Variants in CCDC73 observed in about 807,000 individuals in gnomAD.
The protein encoded by CCDC73 is coiled-coil domain-containing protein 73.
A neutral mutation model predicts 116.5 loss-of-function variants in CCDC73; 95 were observed. The ratio of observed to expected loss-of-function variants is 0.82; its 90% CI spans 0.69 to 0.97. CCDC73 has a LOEUF of 0.97. Among genes scored for constraint, CCDC73 ranks in the 50% least tolerant of loss-of-function variants. The pLI, the probability that CCDC73 is intolerant of heterozygous loss-of-function variation, is 0.00. For synonymous variants in CCDC73, 398 were observed against 401.3 expected, an observed-to-expected ratio of 0.99 and a Z score of 0.10; for missense variants, 1,066 against 1,206.8, an observed-to-expected ratio of 0.88 and a Z score of 1.73.
intron 1 of CCDC73, among the ~76,000 whole-genome samples, chr11:32,768,800 G>A (rs766447208): frequency 6.6e-5 from 10 of 152,232 alleles, no homozygotes; most frequent in East Asian, 3.9e-4. Context: ...AGCCTTGATC[G>A]TGCCACTGCA....
chr11:32,655,884 C>T (rs574315228), intron 9 of CCDC73, among the ~76,000 whole-genome samples: 1 of 152,286 alleles, frequency 6.6e-6, no homozygotes, highest in East Asian at 1.9e-4. Flanking sequence ...CAATTAAACA[C>T]ATTAAAATCT....
chr11:32,738,421 T>C (rs1164568596), intron 2 of CCDC73, among the ~76,000 whole-genome samples: 1 of 152,228 alleles, frequency 6.6e-6, no homozygotes, highest in African/African-American at 2.4e-5. Context: ...TGGTATCTCA[T>C]TGTAGTTTTG....
chr11:32,754,954 C>T (rs1413733497), intron 2 of CCDC73, among the ~76,000 whole-genome samples: 1 of 132,272 alleles, frequency 7.6e-6, no homozygotes, highest in Non-Finnish European at 1.5e-5. Context: ...ATGGCACGAT[C>T]TTGGCTCACT....
At chr11:32,763,125 G>A (rs190691937) in intron 1 of CCDC73, among the ~76,000 whole-genome samples, 24 of 152,330 alleles carry the variant, frequency 1.6e-4, no homozygotes, top group Admixed American at 2.6e-4. Context: ...GGAGCCCACC[G>A]TCGCTCAAGG....
At chr11:32,795,690 A>AT (rs541212653), upstream of CCDC73, among the ~76,000 whole-genome samples, 2,565 of 142,358 alleles carry the variant, frequency 0.018, 42 homozygotes, top group African/African-American at 0.046. Flanking sequence ...CTGCCCTCAA[A>AT]TTTTTTTTTT....
At chr11:32,799,241 G>A (rs1850751669), upstream of CCDC73, among the ~76,000 whole-genome samples, 2 of 151,878 alleles carry the variant, frequency 1.3e-5, no homozygotes, top group Admixed American at 1.3e-4. Context: ...ACAGGCCTGC[G>A]CCACCACGCT....
chr11:32,701,607 G>A (rs1849813741), intron 4 of CCDC73, among the ~76,000 whole-genome samples: 1 of 152,048 alleles, frequency 6.6e-6, no homozygotes, highest in Admixed American at 6.6e-5. Flanking sequence ...AGGATCGTTT[G>A]AGCCCTGGAG....
At chr11:32,765,674 A>C (rs906537645) in intron 1 of CCDC73, among the ~76,000 whole-genome samples, 5 of 152,266 alleles carry the variant, frequency 3.3e-5, no homozygotes, top group African/African-American at 1.2e-4. Context: ...AAGATCTAAA[A>C]TTGACACCCT....
intron 9 of CCDC73, among the ~76,000 whole-genome samples, chr11:32,666,444 A>G (rs1027313928): frequency 2.0e-5 from 3 of 152,194 alleles, no homozygotes; most frequent in Non-Finnish European, 4.4e-5. Context: ...CTTCCAGTTA[A>G]TCGAATCGGC....
chr11:32,755,051 C>A (rs1850321009), intron 2 of CCDC73, among the ~76,000 whole-genome samples: 1 of 150,388 alleles, frequency 6.6e-6, no homozygotes, highest in Admixed American at 6.6e-5. Context: ...CCATGCCCAG[C>A]TAATTTTTGT....
chr11:32,739,586 T>C (rs1850165799), intron 2 of CCDC73, among the ~76,000 whole-genome samples: 1 of 152,192 alleles, frequency 6.6e-6, no homozygotes, highest in Non-Finnish European at 1.5e-5. Flanking sequence ...TCAGTTCTAA[T>C]AGTTTTTGGT....
intron 6 of CCDC73, among the ~76,000 whole-genome samples, chr11:32,684,954 C>A (rs1226791083): frequency 6.6e-6 from 1 of 151,862 alleles, no homozygotes; most frequent in African/African-American, 2.4e-5. Context: ...GCACTCCAGC[C>A]TGAGTGACAG....
intron 12 of CCDC73, among the ~76,000 whole-genome samples, chr11:32,651,268 C>T (rs1050032623): frequency 6.6e-6 from 1 of 152,162 alleles, no homozygotes. Context: ...GGGATTCATC[C>T]TCCCTGCAGA....
Position 32,641,899 on chromosome 11 carries a change from T to C in CCDC73, c.1050+73A>G, listed in dbSNP as rs995131574. 4 of 1,111,034 alleles carry C rather than the reference T, an allele frequency of 3.6e-6. No homozygotes were observed. The African/African-American group carries it at 4.9e-5, about 14-fold the overall frequency. 68.8% of individuals were successfully genotyped at this position (1,111,034 alleles called of 1,614,324 possible). A position where few individuals can be genotyped will look rare whatever the true frequency, so the allele number is the denominator to read the frequency against. On this transcript the variant is annotated intron_variant, in intron 13 of 17. Transcript: ENST00000335185. ...CTCTAATATTTTTGCAATATTTTCT[T>C]AGCATTTATAGTTATTTTAAATGTC...
Position 32,614,206 on chromosome 11 carries a change from T to A in CCDC73, c.2112A>T (p.Ile704=). The A allele has an allele frequency of 1.2e-6, 2 of 1,613,928 alleles. No individual in the cohort carries two copies. The highest frequency in any genetic ancestry group is 1.7e-6 in the Non-Finnish European group (2 of 1,179,862). The change falls in exon 16 of 18, where the codon ATA becomes ATT. Residue 704 remains isoleucine (I), a synonymous_variant. Coordinates refer to ENST00000335185, the MANE Select transcript of CCDC73 (RefSeq NM_001008391.4). ...CATATGAAACATGGTGGTCGATTAC[T>A]ATATCACAGGGAACAGTTAGTTCAG... is the stretch of plus-strand genomic sequence containing the variant. ...EKSELTVPCD[I]VIDHHVSYAA...
intron 14 of CCDC73, among the ~76,000 whole-genome samples, chr11:32,628,195 G>A (rs2133235105): frequency 6.6e-6 from 1 of 152,300 alleles, no homozygotes; most frequent in African/African-American, 2.4e-5. Context: ...TTCTCTGAGA[G>A]AAAGAGGAAA....
At position 32,613,881 on chromosome 11, in the gene CCDC73, T is replaced by C; in HGVS notation, c.2437A>G (p.Ile813Val). Residue 813 changes from isoleucine (I) to valine (V), a missense_variant, in exon 16 of 18, where the codon ATT becomes GTT. Physicochemically the swap from Ile to Val is conservative, Grantham distance 29. Transcript: ENST00000335185. ...GCTTCAGTTACCTGATTCTCATCAA[T>C]CTGATTCTTTTTATTGGAAAACTCT... ...ETEFSNKKNQ[I>V]DENQVTEATK... 6.2e-7 allele frequency: 1 copy of C among 1,613,418 alleles called. No individual in the cohort carries two copies. The highest frequency in any genetic ancestry group is 8.5e-7 in the Non-Finnish European group (1 of 1,179,922).
In CCDC73 at chr11:32,614,083, T is replaced by C. The variant is rs752386781; in HGVS notation, c.2235A>G (p.Gly745=). The C allele has an allele frequency of 1.9e-6, 3 of 1,613,402 alleles. 1 individual carries two copies. The highest frequency in any genetic ancestry group is 1.1e-5 in the South Asian group (1 of 91,084). The change falls in exon 16 of 18, where the codon GGA becomes GGG. Residue 745 remains glycine, a synonymous_variant. Coordinates refer to ENST00000335185, the MANE Select transcript of CCDC73 (RefSeq NM_001008391.4). ...CACTCATATTTTTACACATAGTTTT[T>C]CCCCCAGGGCTTGAGTTAGGTTTCA... ...MLVKPNSSPG[G]KTMCKNMSDM...
chr11:32,610,222 C>CA (rs1166886647), intron 17 of CCDC73, among the ~76,000 whole-genome samples: 2 of 152,128 alleles, frequency 1.3e-5, no homozygotes, highest in African/African-American at 4.8e-5. Context: ...GACCCGCCCC[C>CA]ATGATTCAAT....
Sources: allele counts gnomAD v4.1 joint callset (sites outside exome capture counted in the v4.1 genomes callset), GRCh38; gene constraint gnomAD v4.1.1; transcripts MANE v1.5; gene names NCBI Gene and HGNC (gene_info 2026-07-23, HGNC 2026-07-21).